Variants in PCID2 observed in about 807,000 individuals in gnomAD.
PCID2 encodes PCI domain containing 2, also known as PCI domain-containing protein 2.
PCID2 carries 41 observed loss-of-function variants against 61.3 expected under a neutral mutation model. The ratio of observed to expected loss-of-function variants is 0.67; its 90% CI spans 0.52 to 0.87. PCID2 has a LOEUF of 0.87. PCID2 is among the 40% of genes least tolerant of loss of function. The pLI is 0.00. For synonymous variants in PCID2, 187 were observed against 177.8 expected, an observed-to-expected ratio of 1.05 and a Z score of -0.41; for missense variants, 392 against 493.4, an observed-to-expected ratio of 0.79 and a Z score of 1.95.
At chr13:113,208,166 TCCTCCATCG>T (rs2040070244) in intron 1 of PCID2, 28 of 1,590,514 alleles carry the variant, frequency 1.8e-5, no homozygotes, top group Non-Finnish European at 2.2e-5. Context: ...TCGCGCTTAC[TCCTCCATCG>T]CCTCCTGGAG....
Position 113,198,257 on chromosome 13 carries a change from G to C in PCID2, c.134C>G (p.Ser45Cys). 6.3e-7 allele frequency: 1 copy of C among 1,594,512 alleles called. No individual in the cohort carries two copies. The highest frequency in any genetic ancestry group is 8.5e-7 in the Non-Finnish European group (1 of 1,171,540). The change falls in exon 3 of 14, where the codon TCT becomes TGT. Residue 45 changes from serine to cysteine, a missense_variant. Ser to Cys is a moderately radical substitution (Grantham distance 112). Coordinates refer to ENST00000337344, the MANE Select transcript of PCID2 (RefSeq NM_001127202.4). ...GACTTGTTGACACTTCTCCTCTGGAGAGGCCATCTGATTTTAAAAAAGAAA... is the reference window on the plus strand; with the variant it reads ...GACTTGTTGACACTTCTCCTCTGGACAGGCCATCTGATTTTAAAAAAGAAA... The part of the protein sequence containing the change: ...HVANPRLQMA[S>C]PEEKCQQVLE...
At chr13:113,182,454 A>G (rs1333528543) in intron 9 of PCID2, among the ~76,000 whole-genome samples, 2 of 152,200 alleles carry the variant, frequency 1.3e-5, no homozygotes, top group African/African-American at 4.8e-5. Context: ...TACCTTTGCT[A>G]CTGCCCAAGG....
downstream of PCID2, among the ~76,000 whole-genome samples, chr13:113,175,209 G>A (rs2037168379): frequency 2.0e-5 from 3 of 152,146 alleles, no homozygotes; most frequent in Admixed American, 1.3e-4. Context: ...AGCAGCGTGA[G>A]AACGAACTGA....
chr13:113,190,970 A>G lies in PCID2; in HGVS notation c.369T>C (p.Asp123=), dbSNP rs2038563641. The G allele has an allele frequency of 6.2e-7, 1 of 1,607,514 alleles. No homozygotes were observed. The highest frequency in any genetic ancestry group is 1.3e-5 in the African/African-American group (1 of 74,704). ...TTTTTCCTTTCTTTACCAACTGTTGATCTGCCTAATAAAATATAAGAACTT... is the reference window on the plus strand; with the variant it reads ...TTTTTCCTTTCTTTACCAACTGTTGGTCTGCCTAATAAAATATAAGAACTT... ...LDLRVFANNA[D]QQLVKKGKSK... is the part of the protein sequence containing the mutation. Residue 123 remains aspartate (D), a synonymous_variant, in exon 7 of 14, where the codon GAT becomes GAC. Coordinates refer to ENST00000337344, the MANE Select transcript of PCID2 (RefSeq NM_001127202.4).
At chr13:113,183,912 C>T in intron 9 of PCID2, 1 of 985,434 alleles carries the variant, frequency 1.0e-6, no homozygotes, top group Non-Finnish European at 1.2e-6. Context: ...GACACCAGGT[C>T]CAAGGGCATA....
rs147316257 is a variant in PCID2 at position 113,206,919 on chromosome 13, G to A, written c.36+1680C>T. Reference sequence around the variant, plus strand: ...CCCTTCTCAGTCTTTCCCATCATGTGACTACGAAGGAGTCTCAGGTTTGTA... The same window carrying A: ...CCCTTCTCAGTCTTTCCCATCATGTAACTACGAAGGAGTCTCAGGTTTGTA... On this transcript the variant is annotated intron_variant, in intron 1 of 13. Coordinates refer to ENST00000337344, the MANE Select transcript of PCID2 (RefSeq NM_001127202.4). Among the ~76,000 whole-genome samples the A allele has an allele frequency of 4.0e-4, 61 of 152,270 alleles. No homozygotes were observed. The East Asian group carries it at 0.011, about 26-fold the overall frequency.
At chr13:113,181,099 G>C (rs763520433) in intron 10 of PCID2, 31 bp downstream of exon 10, 11 of 1,397,086 alleles carry the variant, frequency 7.9e-6, no homozygotes, top group African/African-American at 4.2e-5. Context: ...AAAGCACCAG[G>C]ATCTATAAAC....
At chr13:113,196,972 T>C (rs760560278) in intron 4 of PCID2, 1 of 1,336,782 alleles carries the variant, frequency 7.5e-7, no homozygotes, top group Non-Finnish European at 1.1e-6. Context: ...GTGTTCTTCC[T>C]TACTAAGTAC....
chr13:113,205,695 T>C (rs1379341150), intron 1 of PCID2, among the ~76,000 whole-genome samples: 1 of 152,166 alleles, frequency 6.6e-6, no homozygotes, highest in Non-Finnish European at 1.5e-5. Flanking sequence ...CCAACACAGA[T>C]GAACCCTGAA....
chr13:113,197,078 C>A, intron 4 of PCID2, 100 bp downstream of exon 4: 1 of 1,614,208 alleles, frequency 6.2e-7, no homozygotes, highest in South Asian at 1.1e-5. Context: ...TTTCTAACTG[C>A]AGAAATGAGC....
rs1249239290 is a variant in PCID2, at chr13:113,184,341, C to T, written c.685+5G>A. The T allele has an allele frequency of 6.2e-7, 1 of 1,610,902 alleles. No homozygotes were observed. Among genetic ancestry groups the T allele is most frequent in the Non-Finnish European group, 8.5e-7 (1 of 1,177,346 alleles). On this transcript the variant is annotated splice_donor_5th_base_variant and intron_variant, in intron 9 of 13. Coordinates refer to ENST00000337344, the MANE Select transcript of PCID2 (RefSeq NM_001127202.4). ...AATACTGGGAAAAAAAGATTAGCAA[C>T]ATACCTTGCTTAAAATCGCTGTCAA...
chr13:113,170,841 G>A, the PCID2 span, among the ~76,000 whole-genome samples: 3 of 151,946 alleles, frequency 2.0e-5, no homozygotes, highest in South Asian at 2.1e-4. Flanking sequence ...GCTAAAAATC[G>A]GAAGAATGGG....
the PCID2 span, chr13:113,170,316 G>A: frequency 4.0e-6 from 3 of 746,750 alleles, no homozygotes; most frequent in East Asian, 5.0e-5. Flanking sequence ...TGGGGGTGGG[G>A]GTGGGGGGGT....
intron 13 of PCID2, 82 bp downstream of exon 13, chr13:113,178,884 A>C: frequency 7.0e-7 from 1 of 1,418,782 alleles, no homozygotes; most frequent in Non-Finnish European, 9.5e-7. Flanking sequence ...TAACAATTTT[A>C]ACACCACCAC....
chr13:113,200,692 A>C, intron 1 of PCID2, 176 bp from the exon 2 acceptor site: 1 of 362,852 alleles, frequency 2.8e-6, no homozygotes, highest in South Asian at 4.1e-5. Context: ...GTAAACAATA[A>C]TTTCTTTTTT....
At chr13:113,176,135 G>A (rs1323431263), downstream of PCID2, among the ~76,000 whole-genome samples, 4 of 152,282 alleles carry the variant, frequency 2.6e-5, no homozygotes, top group Non-Finnish European at 4.4e-5. Flanking sequence ...GCCACACAAA[G>A]TGAGTCCTGC....
intron 7 of PCID2, among the ~76,000 whole-genome samples, chr13:113,189,773 A>T (rs1270074994): frequency 6.6e-6 from 1 of 151,338 alleles, no homozygotes; most frequent in Non-Finnish European, 1.5e-5. Context: ...CTATAATCCC[A>T]GCACTTTGGG....
At chr13:113,198,765 G>A (rs774144215) in intron 2 of PCID2, among the ~76,000 whole-genome samples, 1 of 152,052 alleles carries the variant, frequency 6.6e-6, no homozygotes, top group African/African-American at 2.4e-5. Context: ...ATATTTCAGG[G>A]GAAAAAGAAG....
intron 13 of PCID2, among the ~76,000 whole-genome samples, chr13:113,178,630 T>C (rs2037328334): frequency 6.6e-6 from 1 of 152,142 alleles, no homozygotes; most frequent in African/African-American, 2.4e-5. Flanking sequence ...CTAGAGATAA[T>C]TTAAAGTATA....
Sources: gnomAD v4.1 joint callset for allele counts (sites outside exome capture counted in the v4.1 genomes callset) on GRCh38, gnomAD v4.1.1 for gene constraint, MANE v1.5 for transcripts, NCBI Gene and HGNC (gene_info 2026-07-23, HGNC 2026-07-21) for gene names.